DNAH12: variants seen among roughly 807,000 people sequenced by gnomAD.
DNAH12 encodes axonemal beta dynein heavy chain 12.
In DNAH12, 285 loss-of-function variants were observed where a neutral mutation model predicts 371.5. The observed-to-expected ratio is 0.77, with a 90% CI of 0.70 to 0.85. The LOEUF is 0.85. Ranked by LOEUF, DNAH12 falls within the 40% of genes least tolerant of loss-of-function variation. DNAH12 has a pLI of 0.00. For missense variants in DNAH12, 3,611 were observed against 3,689.4 expected, an observed-to-expected ratio of 0.98 and a Z score of 0.55; for synonymous variants, 1,200 against 1,213.0, an observed-to-expected ratio of 0.99 and a Z score of 0.22.
At chr3:57,506,234 G>A (rs2067754422) in intron 8 of DNAH12, among the ~76,000 whole-genome samples, 1 of 152,102 alleles carries the variant, frequency 6.6e-6, no homozygotes, top group Non-Finnish European at 1.5e-5. Flanking sequence ...CACATGGAGT[G>A]AGGTACAGTG....
At position 57,334,841 on chromosome 3, in the gene DNAH12, CTG is replaced by C; in HGVS notation, c.9772_9773del (p.Gln3258GlyfsTer12). On this transcript the variant is annotated frameshift_variant, in exon 61 of 74. Coordinates refer to ENST00000495027, the MANE Select transcript of DNAH12 (RefSeq NM_001366028.2). LOFTEE classifies it high-confidence loss of function. ...AEKNPDPTWL[Q>X]DKSWEEICRA... ...GACAGATTTCCTCCCAGCTTTTGTC[CTG>C]TAGCCAAGTTGGATCAGGATTTTTC... 1 of 1,552,056 alleles carries C rather than the reference CTG, an allele frequency of 6.4e-7. No individual in the cohort carries two copies. Among genetic ancestry groups the C allele is most frequent in the Non-Finnish European group, 8.7e-7 (1 of 1,147,066 alleles).
intron 62 of DNAH12, among the ~76,000 whole-genome samples, chr3:57,331,491 T>C (rs993475055): frequency 7.9e-5 from 12 of 152,246 alleles, no homozygotes; most frequent in South Asian, 6.2e-4. Flanking sequence ...AAGAATGAGA[T>C]GAATATTAAC....
chr3:57,462,780 T>G lies in DNAH12; in HGVS notation c.2445A>C (p.Pro815=), dbSNP rs1400760299. The stretch of plus-strand genomic sequence containing the variant: ...CTTTTCTCAGTGTAGTTCCAGAGTC[T>G]GGAGTCAAGTCATAGCCTACAATTT... ...ISEIVGYDLT[P]DSGTTLRKVL... is the part of the protein sequence containing the mutation. The change falls in exon 18 of 74, where the codon CCA becomes CCC. Residue 815 remains proline (P), a synonymous_variant. Coordinates refer to ENST00000495027, the MANE Select transcript of DNAH12 (RefSeq NM_001366028.2). 2 of 1,551,602 alleles carry G rather than the reference T, an allele frequency of 1.3e-6. No individual in the cohort carries two copies. Among genetic ancestry groups the G allele is most frequent in the Non-Finnish European group, 8.7e-7 (1 of 1,146,956 alleles).
chr3:57,294,051 A>G (rs1467912063), intron 73 of DNAH12, 80 bp from the exon 74 acceptor site: 1 of 1,239,448 alleles, frequency 8.1e-7, no homozygotes, highest in Non-Finnish European at 1.1e-6. Context: ...TTATCTTGTA[A>G]TAAAATGGCC....
Position 57,510,960 on chromosome 3 carries a change from T to A in DNAH12, c.299A>T (p.Lys100Met). ...KKKGFNYIYM[K>M]QCVESSPLVP... is the part of the protein sequence containing the mutation. ...TAAAGGACTACTTTCTACACATTGC[T>A]TCATATAAATATAGTTGAACTGAGA... The change falls in exon 5 of 74, where the codon AAG (lysine) becomes ATG (methionine). Residue 100 changes from lysine (K) to methionine (M), a missense_variant. This residue lies in a region of DNAH12 where 1,314 missense variants were observed against 1,398.7 expected (regional missense o/e 0.94). Coordinates refer to ENST00000495027, the MANE Select transcript of DNAH12 (RefSeq NM_001366028.2). 1 of 1,600,984 alleles carries A rather than the reference T, an allele frequency of 6.2e-7. No homozygotes were observed. The highest frequency in any genetic ancestry group is 8.5e-7 in the Non-Finnish European group (1 of 1,177,338).
At chr3:57,518,528 C>CA (rs1190308683) in intron 4 of DNAH12, among the ~76,000 whole-genome samples, 2 of 100,092 alleles carry the variant, frequency 2.0e-5, no homozygotes, top group Admixed American at 1.1e-4. Context: ...TACTCTGTCT[C>CA]AAAAAAAAGA....
intron 25 of DNAH12, among the ~76,000 whole-genome samples, chr3:57,448,734 T>G (rs1340439280): frequency 7.3e-6 from 1 of 137,018 alleles, no homozygotes; most frequent in African/African-American, 2.5e-5. Flanking sequence ...GCATTTACAA[T>G]CCCTGAGCTA....
At chr3:57,367,726 C>T (rs2063081667) in intron 56 of DNAH12, among the ~76,000 whole-genome samples, 1 of 152,096 alleles carries the variant, frequency 6.6e-6, no homozygotes, top group African/African-American at 2.4e-5. Context: ...GACACCATCA[C>T]TATTCATAAC....
At position 57,433,328 on chromosome 3, in the gene DNAH12, A is replaced by G. The variant is rs923390338; in HGVS notation, c.4980+39T>C. ...GTTGCTGAACACATAAAATTGCTTA[A>G]TCATGGCTGAATCTGCTTCTCTTTT... On this transcript the variant is annotated intron_variant, in intron 32 of 73. Transcript: ENST00000495027. 4 of 1,532,302 alleles carry G rather than the reference A, an allele frequency of 2.6e-6. No individual in the cohort carries two copies. The African/African-American group carries it at 4.1e-5, about 16-fold the overall frequency. The allele number at this position is 1,532,302 out of a possible 1,614,324, so 94.9% of individuals were successfully genotyped here. A position where few individuals can be genotyped will look rare whatever the true frequency, so the allele number is the denominator to read the frequency against.
At position 57,502,445 on chromosome 3, in the gene DNAH12, G is replaced by A. The variant is rs1357934227; in HGVS notation, c.1121C>T (p.Thr374Ile). ...VQTIPSWLSG[T>I]STPVNLDTEL... The stretch of plus-strand genomic sequence containing the variant: ...TGTGTCAAGATTTACTGGTGTTGAA[G>A]TTCCTGATAGCCAAGAGGGGATTGT... Residue 374 changes from threonine (T) to isoleucine (I), a missense_variant, in exon 10 of 74, where the codon ACT becomes ATT. Thr to Ile is a moderately conservative substitution (Grantham distance 89, BLOSUM62 -1). This residue lies in a region of DNAH12 where 1,314 missense variants were observed against 1,398.7 expected (regional missense o/e 0.94). Transcript: ENST00000495027. The A allele has an allele frequency of 6.2e-7, 1 of 1,614,022 alleles. No individual in the cohort carries two copies. The highest frequency in any genetic ancestry group is 1.3e-5 in the African/African-American group (1 of 74,912).
chr3:57,521,063 C>CAAAAAAAAAAAA, intron 4 of DNAH12, among the ~76,000 whole-genome samples: 1 of 54,440 alleles, frequency 1.8e-5, no homozygotes, highest in African/African-American at 4.7e-5. Context: ...GACTCTGTCT[C>CAAAAAAAAAAAA]AAAAAAAAAA....
chr3:57,523,803 A>C lies in DNAH12; in HGVS notation c.252T>G (p.Thr84=). 7 of 1,593,702 alleles carry C rather than the reference A, an allele frequency of 4.4e-6. No homozygotes were observed. Among genetic ancestry groups the C allele is most frequent in the Non-Finnish European group, 6.0e-6 (7 of 1,173,016 alleles). The part of the protein sequence containing the change: ...PLLPPPDYPQ[T]MTSEMKKKGF... ...TTTTAACGAGAAAACATAAACTTACAGTTTGAGGATAATCAGGTGGTGGTA... is the reference window on the plus strand; with the variant it reads ...TTTTAACGAGAAAACATAAACTTACCGTTTGAGGATAATCAGGTGGTGGTA... The change falls in exon 3 of 74, where the codon ACT becomes ACG. Residue 84 remains threonine (T), a splice_region_variant and synonymous_variant. Coordinates refer to ENST00000495027, the MANE Select transcript of DNAH12 (RefSeq NM_001366028.2).
intron 3 of DNAH12, 82 bp from the exon 4 acceptor site, chr3:57,523,691 G>C: frequency 7.9e-7 from 1 of 1,273,654 alleles, no homozygotes; most frequent in Non-Finnish European, 1.0e-6. Flanking sequence ...TAAATATATA[G>C]TTTAAATATA....
At chr3:57,358,107 G>A (rs1219142301) in intron 58 of DNAH12, among the ~76,000 whole-genome samples, 1 of 152,182 alleles carries the variant, frequency 6.6e-6, no homozygotes, top group African/African-American at 2.4e-5. Flanking sequence ...GTATGCCTAT[G>A]TAGTCATGTT....
At chr3:57,361,444 C>CACACTATATATATATATATACATA (rs1409626573) in intron 58 of DNAH12, among the ~76,000 whole-genome samples, 1 of 116,722 alleles carries the variant, frequency 8.6e-6, no homozygotes, top group African/African-American at 4.2e-5. Flanking sequence ...CACACACACA[C>CACACTATATATATATATATACATA]TATATATATA....
intron 11 of DNAH12, among the ~76,000 whole-genome samples, chr3:57,491,376 G>T (rs2067120177): frequency 6.6e-6 from 1 of 152,058 alleles, no homozygotes; most frequent in African/African-American, 2.4e-5. Flanking sequence ...TCTGGGTTTT[G>T]CAAAGTTCTC....
intron 18 of DNAH12, 43 bp downstream of exon 18, chr3:57,462,647 C>A: frequency 6.6e-7 from 1 of 1,521,940 alleles, no homozygotes; most frequent in Non-Finnish European, 8.8e-7. Context: ...ACTTGATTAA[C>A]GAAGTCATCA....
intron 2 of DNAH12, among the ~76,000 whole-genome samples, chr3:57,542,263 T>C (rs1173992801): frequency 6.6e-6 from 1 of 152,054 alleles, no homozygotes; most frequent in Non-Finnish European, 1.5e-5. Context: ...TTTGTTCAAA[T>C]TGTAGGGGTT....
intron 65 of DNAH12, among the ~76,000 whole-genome samples, chr3:57,320,711 A>G (rs1377039764): frequency 1.3e-5 from 2 of 152,190 alleles, no homozygotes; most frequent in Admixed American, 1.3e-4. Context: ...TTAGAACTAT[A>G]AATTCTTAAG....
Sources: gnomAD v4.1 joint callset for allele counts (sites outside exome capture counted in the v4.1 genomes callset) on GRCh38, gnomAD v4.1.1 for gene constraint, gnomAD v4.1.1 regional missense constraint, MANE v1.5 for transcripts, NCBI Gene and HGNC (gene_info 2026-07-23, HGNC 2026-07-21) for gene names.